Variants in ERI1 observed in about 807,000 individuals in gnomAD.
ERI1 encodes 3'-5' exoribonuclease 1.
Under a neutral mutation model 39.7 loss-of-function variants are expected in ERI1, and 39 were observed. The ratio of observed to expected loss-of-function variants is 0.98; its 90% CI spans 0.76 to 1.28. ERI1 has a LOEUF of 1.28. Among genes scored for constraint, ERI1 ranks in the 50% most tolerant of loss-of-function variants. The pLI, the probability that ERI1 is intolerant of heterozygous loss-of-function variation, is 0.00. For missense variants in ERI1, 581 were observed against 416.9 expected, an observed-to-expected ratio of 1.39 and a Z score of -3.43; for synonymous variants, 204 against 149.6, an observed-to-expected ratio of 1.36 and a Z score of -2.65.
rs567781198 is a variant in ERI1, at chr8:9,015,161, C to T, written c.499-1161C>T. ...CTCAGGTGTTCTTTTTTGTTCTTTA[C>T]TGTTGCTCATTTACAATTCTTTACA... On this transcript the variant is annotated intron_variant, in intron 3 of 6. Transcript: ENST00000250263. 4.6e-5 allele frequency among the ~76,000 whole-genome samples: 7 copies of T among 152,226 alleles called. No individual in the cohort carries two copies. The South Asian group carries it at 1.5e-3, about 32-fold the overall frequency.
intron 5 of ERI1, 116 bp from the exon 6 acceptor site, chr8:9,020,234 A>G (rs1205043435): frequency 2.0e-6 from 1 of 509,918 alleles, no homozygotes; most frequent in East Asian, 3.5e-5. Flanking sequence ...TCTCAGCTTG[A>G]TGTTACATTT....
At chr8:9,078,699 A>T (rs916025546) in intron 3 of ERI1, among the ~76,000 whole-genome samples, 1 of 152,218 alleles carries the variant, frequency 6.6e-6, no homozygotes, top group African/African-American at 2.4e-5. Flanking sequence ...GTCCACCCAG[A>T]CCTGCTGAAT....
chr8:9,052,138 A>G (rs534050119), intron 3 of ERI1, among the ~76,000 whole-genome samples: 1 of 152,278 alleles, frequency 6.6e-6, no homozygotes, highest in South Asian at 2.1e-4. Context: ...TATTTGTGTT[A>G]GCTCTTATTA....
rs146613945 is a variant in ERI1, at chr8:9,029,947, A to G, written c.963A>G (p.Lys321=). 1.9e-6 allele frequency: 3 copies of G among 1,614,134 alleles called. No individual in the cohort carries two copies. The highest frequency in any genetic ancestry group is 1.7e-5 in the Admixed American group (1 of 60,012). The change falls in exon 7 of 7, where the codon AAA becomes AAG. Residue 321 remains lysine, a synonymous_variant. Coordinates refer to ENST00000250263, the MANE Select transcript of ERI1 (RefSeq NM_153332.4). ...GGTGTGAACTCCGAATCAACGAGAA[A>G]ATGCATGCAGGACAGCTAATGAGTG... is the stretch of plus-strand genomic sequence containing the variant. ...QDGCELRINE[K]MHAGQLMSVS...
intron 3 of ERI1, among the ~76,000 whole-genome samples, chr8:9,013,579 CTA>C (rs1270424059): frequency 6.6e-6 from 1 of 152,028 alleles, no homozygotes; most frequent in Non-Finnish European, 1.5e-5. Context: ...ATGATCTTAT[CTA>C]GTTCCATAGC....
chr8:9,092,979 C>T (rs1327626481), intron 3 of ERI1, among the ~76,000 whole-genome samples: 1 of 152,226 alleles, frequency 6.6e-6, no homozygotes, highest in African/African-American at 2.4e-5. Context: ...CTCGTGGGCC[C>T]ATCACTCTAA....
intron 3 of ERI1, among the ~76,000 whole-genome samples, chr8:9,051,726 A>T (rs6601280): frequency 0.47 from 70,960 of 151,144 alleles, 18,306 homozygotes; most frequent in African/African-American, 0.66. Context: ...CCACTTCTTT[A>T]GTTTTTCTGA....
At chr8:9,090,088 A>G (rs1231760840) in intron 3 of ERI1, among the ~76,000 whole-genome samples, 1 of 152,128 alleles carries the variant, frequency 6.6e-6, no homozygotes, top group Non-Finnish European at 1.5e-5. Context: ...CGGATGTGCA[A>G]CCGGGAGACA....
intron 3 of ERI1, among the ~76,000 whole-genome samples, chr8:9,068,094 G>C (rs538914290): frequency 6.6e-6 from 1 of 152,272 alleles, no homozygotes; most frequent in Admixed American, 6.5e-5. Flanking sequence ...TATATTTTCA[G>C]AGCAACATCT....
chr8:9,081,213 C>T (rs775766950), intron 3 of ERI1, among the ~76,000 whole-genome samples: 5 of 152,194 alleles, frequency 3.3e-5, no homozygotes, highest in African/African-American at 7.2e-5. Context: ...CACCTCCCAC[C>T]AGGACCCTCT....
chr8:9,018,045 G>A (rs983055299), intron 4 of ERI1, among the ~76,000 whole-genome samples: 2 of 152,180 alleles, frequency 1.3e-5, no homozygotes, highest in African/African-American at 2.4e-5. Context: ...GAGAACCACT[G>A]GGGATGATCT....
At chr8:9,085,168 C>T (rs1799486813) in intron 3 of ERI1, among the ~76,000 whole-genome samples, 1 of 152,042 alleles carries the variant, frequency 6.6e-6, no homozygotes, top group Non-Finnish European at 1.5e-5. Context: ...ATTCTGTGCC[C>T]ACCGCTTTTT....
chr8:9,061,441 G>A (rs1304254520), intron 3 of ERI1, among the ~76,000 whole-genome samples: 10 of 152,200 alleles, frequency 6.6e-5, no homozygotes, highest in African/African-American at 2.4e-4. Flanking sequence ...AATAGACTTG[G>A]GAAGTTATGA....
chr8:9,029,978 TCTTC>T lies in ERI1; in HGVS notation c.998_1001del (p.Ser333TyrfsTer3). ...TGCAGGACAGCTAATGAGTGTGTCC[TCTTC>T]CTTACCAATAGAGGGCACTCCACCA... On this transcript the variant is annotated frameshift_variant, in exon 7 of 7. Transcript: ENST00000250263. LOFTEE classifies it high-confidence loss of function. 1.2e-6 allele frequency: 2 copies of T among 1,614,166 alleles called. No individual in the cohort carries two copies. The highest frequency in any genetic ancestry group is 1.7e-6 in the Non-Finnish European group (2 of 1,180,026).
At chr8:9,077,236 T>C (rs1015353470) in intron 3 of ERI1, among the ~76,000 whole-genome samples, 1 of 152,226 alleles carries the variant, frequency 6.6e-6, no homozygotes, top group Non-Finnish European at 1.5e-5. Context: ...TGCATTTCCC[T>C]GCCACATTCC....
At chr8:9,015,386 C>G (rs1444871867) in intron 3 of ERI1, among the ~76,000 whole-genome samples, 3 of 152,090 alleles carry the variant, frequency 2.0e-5, no homozygotes, top group African/African-American at 7.2e-5. Flanking sequence ...AAAATTGACT[C>G]AGTGTGTTCT....
chr8:9,003,364 ACT>A (rs1815584908), intron 1 of ERI1, among the ~76,000 whole-genome samples, 193 bp downstream of exon 1: 1 of 152,014 alleles, frequency 6.6e-6, no homozygotes, highest in Admixed American at 6.6e-5. Flanking sequence ...GGGCCGAATC[ACT>A]CTCTGGGAGG....
At chr8:9,005,934 T>A (rs1024409332) in intron 1 of ERI1, among the ~76,000 whole-genome samples, 2 of 152,236 alleles carry the variant, frequency 1.3e-5, no homozygotes, top group Admixed American at 1.3e-4. Flanking sequence ...ATTGAATACG[T>A]GAATATTGCA....
At chr8:9,044,641 C>G (rs192830344) in intron 3 of ERI1, among the ~76,000 whole-genome samples, 33 of 152,188 alleles carry the variant, frequency 2.2e-4, no homozygotes, top group Admixed American at 1.9e-3. Context: ...GAAACACAAG[C>G]TAAGCCTTGA....
Sources: gnomAD v4.1 joint callset for allele counts (sites outside exome capture counted in the v4.1 genomes callset) on GRCh38, gnomAD v4.1.1 for gene constraint, MANE v1.5 for transcripts, NCBI Gene and HGNC (gene_info 2026-07-23, HGNC 2026-07-21) for gene names.